The following LINGO2 variants were observed in gnomAD, a reference collection of about 807,000 sequenced individuals.
LINGO2 encodes the protein leucine-rich repeat and immunoglobulin-like domain-containing nogo receptor-interacting protein 2.
A neutral mutation model predicts 30.6 loss-of-function variants in LINGO2; 14 were observed. The observed-to-expected ratio is 0.46, with a 90% CI of 0.30 to 0.72. The LOEUF (loss-of-function observed/expected upper bound fraction) is 0.72. LINGO2 is among the 30% of genes least tolerant of loss of function. LINGO2 has a pLI of 0.07. For missense variants in LINGO2, 729 were observed against 751.7 expected (o/e 0.97, Z 0.35); for synonymous variants, 317 against 288.5 (o/e 1.10, Z -1.00).
intron 1 of LINGO2, among the ~76,000 whole-genome samples, chr9:28,500,464 CAT>C (rs775001476): frequency 2.6e-5 from 4 of 151,994 alleles, no homozygotes; most frequent in African/African-American, 7.2e-5. Flanking sequence ...ATAATTAAAA[CAT>C]ATTTTTGTGA....
At chr9:28,652,029 C>A in intron 1 of LINGO2, among the ~76,000 whole-genome samples, 1 of 152,118 alleles carries the variant, frequency 6.6e-6, no homozygotes, top group Non-Finnish European at 1.5e-5. Context: ...ATTTTAATTA[C>A]CTTTGTCCTT....
chr9:28,309,929 C>A (rs1398924918), intron 3 of LINGO2, among the ~76,000 whole-genome samples: 1 of 151,864 alleles, frequency 6.6e-6, no homozygotes, highest in Non-Finnish European at 1.5e-5. Flanking sequence ...GATTAGTTCT[C>A]CAGCAAATAA....
chr9:28,696,044 G>A, the LINGO2 span, among the ~76,000 whole-genome samples: 1 of 151,704 alleles, frequency 6.6e-6, no homozygotes, highest in African/African-American at 2.4e-5. Context: ...CCCCTCAGTT[G>A]TGAACCTGTT....
the LINGO2 span, among the ~76,000 whole-genome samples, chr9:28,870,668 C>G: frequency 7.9e-5 from 12 of 152,110 alleles, no homozygotes; most frequent in African/African-American, 2.9e-4. Context: ...AGCTTATATA[C>G]CGTACTTGGT....
At chr9:28,356,192 C>A (rs911776215) in intron 3 of LINGO2, among the ~76,000 whole-genome samples, 2 of 152,002 alleles carry the variant, frequency 1.3e-5, no homozygotes, top group African/African-American at 4.8e-5. Context: ...ACTAAGCATG[C>A]AAAGTGGTCC....
At chr9:28,189,646 AG>A (rs1819728128) in intron 4 of LINGO2, among the ~76,000 whole-genome samples, 1 of 28,884 alleles carries the variant, frequency 3.5e-5, no homozygotes, top group East Asian at 1.2e-3. Context: ...GAAGGAAGGG[AG>A]GGAGGAAGGA....
At chr9:27,986,629 C>T (rs1821137364) in intron 5 of LINGO2, among the ~76,000 whole-genome samples, 1 of 151,862 alleles carries the variant, frequency 6.6e-6, no homozygotes, top group Admixed American at 6.6e-5. Context: ...GACTGCAGGT[C>T]TGACTTTGAG....
At chr9:28,637,288 T>A (rs910572748) in intron 1 of LINGO2, among the ~76,000 whole-genome samples, 1 of 152,188 alleles carries the variant, frequency 6.6e-6, no homozygotes, top group African/African-American at 2.4e-5. Flanking sequence ...TGGCTTAGGA[T>A]TGACTTGGCG....
intron 4 of LINGO2, among the ~76,000 whole-genome samples, chr9:28,123,052 T>C (rs970328510): frequency 1.3e-5 from 2 of 152,254 alleles, no homozygotes; most frequent in African/African-American, 4.8e-5. Context: ...TGAAAAATAC[T>C]AAGTTATGTG....
intron 4 of LINGO2, among the ~76,000 whole-genome samples, chr9:28,047,183 G>A (rs983312558): frequency 1.3e-4 from 20 of 152,062 alleles, no homozygotes; most frequent in Admixed American, 5.2e-4. Flanking sequence ...GATGTACTTC[G>A]TCTTTCGGCC....
At chr9:28,361,429 T>C (rs78874232) in intron 3 of LINGO2, among the ~76,000 whole-genome samples, 1 of 152,208 alleles carries the variant, frequency 6.6e-6, no homozygotes, top group African/African-American at 2.4e-5. Context: ...GGGAGACTAC[T>C]GTATTAGACA....
At chr9:29,024,715 A>G in the LINGO2 span, among the ~76,000 whole-genome samples, 1 of 152,150 alleles carries the variant, frequency 6.6e-6, no homozygotes, top group East Asian at 1.9e-4. Context: ...TGTCTCCTGC[A>G]TAATGACATA....
At chr9:29,102,945 C>T in the LINGO2 span, among the ~76,000 whole-genome samples, 1 of 151,962 alleles carries the variant, frequency 6.6e-6, no homozygotes, top group South Asian at 2.1e-4. Flanking sequence ...ATCTATACAT[C>T]TCTTTGATTT....
the LINGO2 span, among the ~76,000 whole-genome samples, chr9:28,728,686 T>C: frequency 2.0e-5 from 3 of 151,818 alleles, no homozygotes; most frequent in South Asian, 4.2e-4. Context: ...CTGAATGACA[T>C]TAAAGATATT....
At chr9:28,012,915 T>G (rs1822632588) in intron 4 of LINGO2, among the ~76,000 whole-genome samples, 2 of 152,230 alleles carry the variant, frequency 1.3e-5, no homozygotes, top group African/African-American at 4.8e-5. Flanking sequence ...CAGAATCACT[T>G]GCAGCGCTTG....
At chr9:28,284,695 T>G (rs763443254) in intron 4 of LINGO2, among the ~76,000 whole-genome samples, 1 of 152,154 alleles carries the variant, frequency 6.6e-6, no homozygotes, top group Non-Finnish European at 1.5e-5. Context: ...AATTAGAGAA[T>G]TATGTCAACA....
chr9:28,345,437 G>A (rs373788283), intron 3 of LINGO2, among the ~76,000 whole-genome samples: 3 of 152,108 alleles, frequency 2.0e-5, no homozygotes, highest in South Asian at 4.2e-4. Flanking sequence ...CTGCTAGAAC[G>A]CCAGAATGAC....
chr9:28,636,504 A>G (rs1350922805), intron 1 of LINGO2, among the ~76,000 whole-genome samples: 1 of 152,132 alleles, frequency 6.6e-6, no homozygotes, highest in Non-Finnish European at 1.5e-5. Context: ...TGACTTTTTA[A>G]TGATTGCCAT....
the LINGO2 span, among the ~76,000 whole-genome samples, chr9:29,167,006 C>T: frequency 5.3e-5 from 8 of 151,894 alleles, no homozygotes; most frequent in East Asian, 1.9e-4. Flanking sequence ...ACTAAATTAG[C>T]GAAATTTTTA....
Sources: allele counts gnomAD v4.1 joint callset (sites outside exome capture counted in the v4.1 genomes callset), GRCh38; gene constraint gnomAD v4.1.1; transcripts MANE v1.5; gene names NCBI Gene and HGNC (gene_info 2026-07-23, HGNC 2026-07-21).